PDE4D: variants seen among roughly 807,000 people sequenced by gnomAD.
PDE4D encodes phosphodiesterase 4D, also known as 3',5'-cyclic-AMP phosphodiesterase 4D.
A neutral mutation model predicts 87.4 loss-of-function variants in PDE4D; 24 were observed. The ratio of observed to expected loss-of-function variants is 0.27; its 90% CI spans 0.20 to 0.39. The LOEUF (loss-of-function observed/expected upper bound fraction) is 0.39. Ranked by LOEUF, PDE4D falls within the 10% of genes least tolerant of loss-of-function variation. PDE4D has a pLI of 1.00. For missense variants in PDE4D, 714 were observed against 1,041.0 expected (o/e 0.69, Z 4.32); for synonymous variants, 384 against 383.2 (o/e 1.00, Z -0.02).
intron 1 of PDE4D, among the ~76,000 whole-genome samples, chr5:59,416,268 T>C (rs1793595574): frequency 6.6e-6 from 1 of 152,186 alleles, no homozygotes; most frequent in East Asian, 1.9e-4. Flanking sequence ...TCAGTCTCAA[T>C]CTAAAGCCAA....
chr5:60,168,489 T>C (rs1783130951), intron 2 of PDE4D, among the ~76,000 whole-genome samples: 1 of 152,218 alleles, frequency 6.6e-6, no homozygotes, highest in Non-Finnish European at 1.5e-5. Flanking sequence ...CCCCTTCTTC[T>C]GTGAACCCTC....
chr5:59,207,753 G>A (rs1203550563), intron 2 of PDE4D, among the ~76,000 whole-genome samples: 1 of 151,574 alleles, frequency 6.6e-6, no homozygotes, highest in Admixed American at 6.6e-5. Flanking sequence ...TAAATCTGAT[G>A]TATAAGCATA....
At chr5:60,394,601 A>G (rs1031985876) in intron 1 of PDE4D, among the ~76,000 whole-genome samples, 5 of 152,216 alleles carry the variant, frequency 3.3e-5, no homozygotes, top group African/African-American at 1.2e-4. Flanking sequence ...ACTCTAATCA[A>G]CAAAAGCTAA....
At chr5:59,477,880 T>A (rs1304963223) in intron 1 of PDE4D, among the ~76,000 whole-genome samples, 1 of 152,092 alleles carries the variant, frequency 6.6e-6, no homozygotes, top group African/African-American at 2.4e-5. Context: ...AGCAAAATCA[T>A]GTCCTCTGCA....
At chr5:59,972,446 A>T (rs1207787195) in intron 3 of PDE4D, among the ~76,000 whole-genome samples, 1 of 152,250 alleles carries the variant, frequency 6.6e-6, no homozygotes, top group Non-Finnish European at 1.5e-5. Context: ...AAAATAAGGG[A>T]CAAAGGATCC....
chr5:60,382,096 C>T (rs557669436), intron 1 of PDE4D, among the ~76,000 whole-genome samples: 3 of 151,944 alleles, frequency 2.0e-5, no homozygotes, highest in Non-Finnish European at 4.4e-5. Flanking sequence ...TATTTATTTC[C>T]TCATTGAAGC....
intron 2 of PDE4D, among the ~76,000 whole-genome samples, chr5:60,140,002 T>C (rs1246845892): frequency 3.3e-5 from 5 of 152,124 alleles, no homozygotes; most frequent in Non-Finnish European, 4.4e-5. Context: ...CTCCATGTTA[T>C]GCAACTTGTC....
chr5:59,408,839 T>G (rs1253633043), intron 1 of PDE4D, among the ~76,000 whole-genome samples: 1 of 152,118 alleles, frequency 6.6e-6, no homozygotes, highest in Non-Finnish European at 1.5e-5. Flanking sequence ...TTTTGGCTGA[T>G]TTCTTCCTTT....
At chr5:59,838,351 AG>A (rs1742462552) in intron 1 of PDE4D, among the ~76,000 whole-genome samples, 1 of 152,108 alleles carries the variant, frequency 6.6e-6, no homozygotes. Context: ...AGAGGTTAAG[AG>A]ACCTGCCAAA....
At chr5:59,671,733 A>T (rs1214565857) in intron 1 of PDE4D, among the ~76,000 whole-genome samples, 1 of 151,748 alleles carries the variant, frequency 6.6e-6, no homozygotes, top group African/African-American at 2.4e-5. Context: ...ACTGGAGCCC[A>T]GCAAGTAGAG....
chr5:59,350,467 A>T (rs961164773), intron 1 of PDE4D, among the ~76,000 whole-genome samples: 11 of 152,150 alleles, frequency 7.2e-5, no homozygotes, highest in Non-Finnish European at 1.6e-4. Flanking sequence ...CAAATGAACC[A>T]TCAGGTTCCT....
intron 1 of PDE4D, among the ~76,000 whole-genome samples, chr5:59,260,233 A>C (rs936927838): frequency 6.6e-6 from 1 of 151,850 alleles, no homozygotes; most frequent in African/African-American, 2.4e-5. Flanking sequence ...ACATTTCAGA[A>C]GACACTAAGG....
chr5:60,479,134 TG>T (rs748452298), intron 1 of PDE4D, among the ~76,000 whole-genome samples: 35 of 152,266 alleles, frequency 2.3e-4, no homozygotes, highest in Middle Eastern at 3.4e-3. Context: ...ACTATGCTTC[TG>T]AATCTTACAG....
intron 1 of PDE4D, among the ~76,000 whole-genome samples, chr5:59,822,448 A>G (rs979447149): frequency 1.3e-5 from 2 of 152,166 alleles, no homozygotes; most frequent in Admixed American, 6.5e-5. Flanking sequence ...AGAATTTGTT[A>G]TATTTCATTT....
At chr5:60,070,191 G>A (rs1772552681) in intron 2 of PDE4D, among the ~76,000 whole-genome samples, 1 of 151,662 alleles carries the variant, frequency 6.6e-6, no homozygotes, top group Non-Finnish European at 1.5e-5. Flanking sequence ...TTACCCAATT[G>A]CTCTAGATAG....
chr5:59,733,594 G>A (rs1447589182), intron 1 of PDE4D, among the ~76,000 whole-genome samples: 3 of 152,162 alleles, frequency 2.0e-5, no homozygotes, highest in East Asian at 3.9e-4. Flanking sequence ...CTGAAACAGA[G>A]TTGAAATGTT....
intron 2 of PDE4D, among the ~76,000 whole-genome samples, chr5:60,017,567 G>A (rs183624629): frequency 2.0e-5 from 3 of 152,200 alleles, no homozygotes; most frequent in African/African-American, 7.2e-5. Context: ...CTGTTCCTGA[G>A]TTAGTTTGCT....
intron 1 of PDE4D, chr5:59,217,875 A>G (rs1867725): frequency 0.092 from 30,333 of 328,180 alleles, 2,305 homozygotes; most frequent in African/African-American, 0.26. Flanking sequence ...TAATCATTCA[A>G]TAGACATACA....
At chr5:59,384,450 T>C (rs1244534052) in intron 1 of PDE4D, among the ~76,000 whole-genome samples, 4 of 152,134 alleles carry the variant, frequency 2.6e-5, no homozygotes, top group African/African-American at 7.2e-5. Context: ...AAGTCCATGA[T>C]GGTAACTCTG....
Sources: gnomAD v4.1 joint callset for allele counts (sites outside exome capture counted in the v4.1 genomes callset) on GRCh38, gnomAD v4.1.1 for gene constraint, MANE v1.5 for transcripts, NCBI Gene and HGNC (gene_info 2026-07-23, HGNC 2026-07-21) for gene names.